Variants in PTPRC observed in about 807,000 individuals in gnomAD.
PTPRC encodes receptor-type tyrosine-protein phosphatase C.
PTPRC carries 44 observed loss-of-function variants against 155.9 expected under a neutral mutation model. The ratio of observed to expected loss-of-function variants is 0.28; its 90% CI spans 0.22 to 0.36. The LOEUF is 0.36. Ranked by LOEUF, PTPRC falls within the 10% of genes least tolerant of loss-of-function variation. The pLI is 1.00. For missense variants in PTPRC, 1,401 were observed against 1,564.6 expected (o/e 0.90, Z 1.76); for synonymous variants, 525 against 533.1 (o/e 0.98, Z 0.21).
chr1:198,711,011 C>T (rs1257560146), intron 11 of PTPRC, among the ~76,000 whole-genome samples: 3 of 152,082 alleles, frequency 2.0e-5, no homozygotes, highest in African/African-American at 4.8e-5. Context: ...CGTGCCACCA[C>T]GCCCTGCTAA....
chr1:198,650,563 C>A (rs1486467890), intron 2 of PTPRC, among the ~76,000 whole-genome samples: 1 of 151,762 alleles, frequency 6.6e-6, no homozygotes, highest in African/African-American at 2.4e-5. Context: ...GGTCAGAAAT[C>A]CAGAGTTATG....
At chr1:198,745,572 C>T (rs141972722) in intron 26 of PTPRC, among the ~76,000 whole-genome samples, 5 of 151,834 alleles carry the variant, frequency 3.3e-5, no homozygotes, top group East Asian at 2.0e-4. Context: ...TAGGCAGAGG[C>T]AGTAAGATTG....
chr1:198,641,937 A>G (rs1232050584), intron 2 of PTPRC, among the ~76,000 whole-genome samples: 1 of 152,056 alleles, frequency 6.6e-6, no homozygotes, highest in Non-Finnish European at 1.5e-5. Flanking sequence ...ATTCAATGAA[A>G]ATTATTTAAT....
chr1:198,692,402 AT>A, intron 3 of PTPRC, 29 bp downstream of exon 3: 1 of 1,365,448 alleles, frequency 7.3e-7, no homozygotes, highest in Non-Finnish European at 9.7e-7. Flanking sequence ...ATTTTTACTA[AT>A]TTTATTTTCT....
intron 2 of PTPRC, among the ~76,000 whole-genome samples, chr1:198,654,833 T>C (rs1663465173): frequency 6.6e-6 from 1 of 151,916 alleles, no homozygotes; most frequent in South Asian, 2.1e-4. Context: ...AGTGAAAATT[T>C]AAACACATCA....
intron 25 of PTPRC, among the ~76,000 whole-genome samples, chr1:198,743,645 G>T (rs1340087447): frequency 6.6e-6 from 1 of 151,626 alleles, no homozygotes; most frequent in East Asian, 1.9e-4. Context: ...ATAAAAAAAG[G>T]TTTTCTAAGG....
intron 2 of PTPRC, among the ~76,000 whole-genome samples, chr1:198,675,151 CT>C (rs547730591): frequency 2.6e-5 from 4 of 152,038 alleles, no homozygotes; most frequent in Non-Finnish European, 4.4e-5. Flanking sequence ...ATCCAAAGCC[CT>C]GATTTTAAGA....
intron 12 of PTPRC, 101 bp from the exon 13 acceptor site, chr1:198,716,581 G>GAGTT: frequency 1.0e-6 from 1 of 997,712 alleles, no homozygotes; most frequent in South Asian, 1.4e-5. Flanking sequence ...CAATAGTTTG[G>GAGTT]AGTTCACTTG....
intron 2 of PTPRC, among the ~76,000 whole-genome samples, chr1:198,645,123 C>A (rs556882359): frequency 6.6e-6 from 1 of 151,834 alleles, no homozygotes; most frequent in South Asian, 2.1e-4. Context: ...TCAGGTAACA[C>A]ACTCATACGT....
chr1:198,734,030 C>T (rs1654513800), intron 20 of PTPRC, among the ~76,000 whole-genome samples, 166 bp from the exon 21 acceptor site: 2 of 151,702 alleles, frequency 1.3e-5, no homozygotes, highest in African/African-American at 2.4e-5. Flanking sequence ...CAATTAAATG[C>T]CTGACCACCA....
rs34684883 is a variant in PTPRC, at chr1:198,679,396, A to AT, written c.74-12931dup. Among the ~76,000 whole-genome samples, 131 of 109,956 alleles carry AT rather than the reference A, an allele frequency of 1.2e-3. 1 individual carries two copies. The highest frequency in any genetic ancestry group is 6.1e-3 in the East Asian group (23 of 3,768). The allele number at this position is 109,956 out of a possible 152,430, so 72.1% of individuals were successfully genotyped here. On this transcript the variant is annotated intron_variant, in intron 2 of 32. Coordinates refer to ENST00000442510, the MANE Select transcript of PTPRC (RefSeq NM_002838.5). ...TAAAGCCGTGCCACCACGCCCAGCT[A>AT]TTTTTTTTTTTTTTTTTTTTGTATT... is the stretch of plus-strand genomic sequence containing the variant.
intron 7 of PTPRC, chr1:198,703,576 G>A: frequency 1.3e-6 from 1 of 751,916 alleles, no homozygotes; most frequent in South Asian, 1.8e-5. Context: ...AATTGTTACT[G>A]TCATAATTCA....
intron 5 of PTPRC, chr1:198,700,047 A>T (rs1666390987): frequency 2.8e-6 from 1 of 360,656 alleles, no homozygotes; most frequent in Admixed American, 4.3e-5. Flanking sequence ...TTACTTAAAG[A>T]CTTTGTACCA....
chr1:198,703,508 G>C, intron 7 of PTPRC, 136 bp downstream of exon 7: 1 of 1,343,862 alleles, frequency 7.4e-7, no homozygotes, highest in Non-Finnish European at 1.0e-6. Flanking sequence ...GAGGGTGATG[G>C]AACAGCAGGA....
chr1:198,748,129 C>A lies in PTPRC; in HGVS notation c.2868C>A (p.Ser956Arg). The change falls in exon 27 of 33, where the codon AGC becomes AGA. Residue 956 changes from serine to arginine, a missense_variant. Coordinates refer to ENST00000442510, the MANE Select transcript of PTPRC (RefSeq NM_002838.5). Reference protein sequence around the residue: ...AEFQRLPSYRSWRTQHIGNQE... With the variant: ...AEFQRLPSYRRWRTQHIGNQE... ...TTCAGAGACTTCCTTCATATAGGAGCTGGAGGACACAGCACATTGGAAATC... is the reference window on the plus strand; with the variant it reads ...TTCAGAGACTTCCTTCATATAGGAGATGGAGGACACAGCACATTGGAAATC... The A allele has an allele frequency of 6.3e-7, 1 of 1,591,522 alleles. No individual in the cohort carries two copies.
chr1:198,652,568 CT>C lies in PTPRC; in HGVS notation c.73+13239del, dbSNP rs373397106. Among the ~76,000 whole-genome samples, 744 of 146,056 alleles carry C rather than the reference CT, an allele frequency of 5.1e-3. 10 individuals carry two copies. Among genetic ancestry groups the C allele is most frequent in the African/African-American group, 0.015 (587 of 39,934 alleles). On this transcript the variant is annotated intron_variant, in intron 2 of 32. Transcript: ENST00000442510. The stretch of plus-strand genomic sequence containing the variant: ...TCCAATTACGTAAACAAATATTACC[CT>C]TTTTTTTTTTTGGTCATTGTTTCAA...
At chr1:198,753,514 C>CTAA (rs1224317358) in intron 31 of PTPRC, among the ~76,000 whole-genome samples, 1 of 151,694 alleles carries the variant, frequency 6.6e-6, no homozygotes, top group African/African-American at 2.4e-5. Context: ...TTGAAAAAGT[C>CTAA]TAATTGTTAT....
chr1:198,696,939 A>C, intron 4 of PTPRC, 30 bp downstream of exon 4: 1 of 1,557,162 alleles, frequency 6.4e-7, no homozygotes, highest in South Asian at 1.1e-5. Context: ...TAACTTAAAT[A>C]TCAGGGAATG....
intron 12 of PTPRC, among the ~76,000 whole-genome samples, chr1:198,716,333 GA>G (rs1331844890): frequency 2.3e-4 from 35 of 152,284 alleles, no homozygotes. Flanking sequence ...GAATCATTCT[GA>G]AACATGCAAC....
Sources: allele counts gnomAD v4.1 joint callset (sites outside exome capture counted in the v4.1 genomes callset), GRCh38; gene constraint gnomAD v4.1.1; transcripts MANE v1.5; gene names NCBI Gene and HGNC (gene_info 2026-07-23, HGNC 2026-07-21).